PTPRM: variants seen among roughly 807,000 people sequenced by gnomAD.
PTPRM encodes protein tyrosine phosphatase receptor type M.
In PTPRM, 47 loss-of-function variants were observed where a neutral mutation model predicts 186.7. The ratio of observed to expected loss-of-function variants is 0.25; its 90% CI spans 0.20 to 0.32. The LOEUF (loss-of-function observed/expected upper bound fraction) is 0.32. Ranked by LOEUF, PTPRM falls within the 10% of genes least tolerant of loss-of-function variation. PTPRM has a pLI of 1.00. For synonymous variants in PTPRM, 668 were observed against 674.9 expected (o/e 0.99, Z 0.16); for missense variants, 1,494 against 1,865.0 (o/e 0.80, Z 3.66).
intron 1 of PTPRM, among the ~76,000 whole-genome samples, chr18:7,581,906 T>G (rs2036856092): frequency 1.3e-5 from 2 of 152,118 alleles, no homozygotes; most frequent in African/African-American, 2.4e-5. Context: ...GCCATCCTCC[T>G]GCCTCAGCCT....
At chr18:7,875,055 G>A (rs2048169890) in intron 2 of PTPRM, among the ~76,000 whole-genome samples, 1 of 152,052 alleles carries the variant, frequency 6.6e-6, no homozygotes, top group African/African-American at 2.4e-5. Flanking sequence ...AGTTAGCTGG[G>A]CTTGGTGGCA....
At chr18:8,385,041 G>A (rs1174111250) in intron 30 of PTPRM, among the ~76,000 whole-genome samples, 1 of 152,108 alleles carries the variant, frequency 6.6e-6, no homozygotes, top group Non-Finnish European at 1.5e-5. Flanking sequence ...GGGGTCAGTG[G>A]ATGGAAAATT....
intron 7 of PTPRM, among the ~76,000 whole-genome samples, chr18:8,042,887 A>G (rs2086781122): frequency 6.6e-6 from 1 of 152,028 alleles, no homozygotes; most frequent in Non-Finnish European, 1.5e-5. Flanking sequence ...TCCAGGCCTC[A>G]TGTACTCATC....
intron 2 of PTPRM, chr18:7,814,063 C>G (rs1598849560): frequency 6.6e-6 from 1 of 152,320 alleles, no homozygotes; most frequent in South Asian, 2.1e-4. Context: ...TCATTTTCTT[C>G]AAATATTTAA....
chr18:8,381,878 G>A (rs1220461645), intron 29 of PTPRM, among the ~76,000 whole-genome samples: 1 of 152,186 alleles, frequency 6.6e-6, no homozygotes, highest in Non-Finnish European at 1.5e-5. Flanking sequence ...CCTGAAATGT[G>A]GAGATATTTT....
Position 8,378,255 on chromosome 18 carries a change from C to A in PTPRM, c.3463-10C>A. The A allele has an allele frequency of 6.2e-7, 1 of 1,605,796 alleles. No individual in the cohort carries two copies. The highest frequency in any genetic ancestry group is 8.5e-7 in the Non-Finnish European group (1 of 1,173,388). ...CTAAAGTTAGTAACTCGTTCCATCT[C>A]CTTCTCCAGGAGCAGTATGTGTTTA... is the stretch of plus-strand genomic sequence containing the variant. On this transcript the variant is annotated splice_polypyrimidine_tract_variant and intron_variant, in intron 26 of 32. Coordinates refer to ENST00000580170, the MANE Select transcript of PTPRM (RefSeq NM_001105244.2).
At chr18:7,793,385 A>T (rs937994298) in intron 2 of PTPRM, among the ~76,000 whole-genome samples, 15 of 152,206 alleles carry the variant, frequency 9.9e-5, no homozygotes, top group African/African-American at 3.6e-4. Flanking sequence ...GCTTAGGACA[A>T]TGTCTGATGC....
chr18:7,569,334 A>G (rs371712510), intron 1 of PTPRM, among the ~76,000 whole-genome samples: 2 of 152,178 alleles, frequency 1.3e-5, no homozygotes, highest in African/African-American at 2.4e-5. Context: ...CAAAGCATCA[A>G]CTTCAATACA....
chr18:8,126,018 TATA>T lies in PTPRM; in HGVS notation c.2167+11192_2167+11194del, dbSNP rs1283494085. 7.5e-3 allele frequency among the ~76,000 whole-genome samples: 233 copies of T among 31,034 alleles called. 19 individuals are homozygous for T. Among genetic ancestry groups the T allele is most frequent in the South Asian group, 0.041 (34 of 834 alleles). The allele number at this position is 31,034 out of a possible 152,430, so 20.4% of individuals were successfully genotyped here. A position where few individuals can be genotyped will look rare whatever the true frequency, so the allele number is the denominator to read the frequency against. ...ATATATATATATATATATATATATA[TATA>T]TATATATTTTAAATCAGTAGACCTT... On this transcript the variant is annotated intron_variant, in intron 13 of 32. Transcript: ENST00000580170.
intron 23 of PTPRM, chr18:8,360,859 A>C (rs888356598): frequency 6.6e-6 from 1 of 152,266 alleles, no homozygotes. Flanking sequence ...CTAGAGTAAC[A>C]TAGCACATTT....
chr18:7,790,733 T>C (rs1033133434), intron 2 of PTPRM, among the ~76,000 whole-genome samples: 3 of 152,356 alleles, frequency 2.0e-5, no homozygotes, highest in Admixed American at 1.3e-4. Context: ...CCTGCCTTTA[T>C]TGCTATTTCT....
chr18:7,680,562 G>T (rs73939335), intron 1 of PTPRM, among the ~76,000 whole-genome samples: 6 of 152,252 alleles, frequency 3.9e-5, no homozygotes, highest in South Asian at 4.2e-4. Flanking sequence ...TAGGAAAACC[G>T]TTTCACATGC....
chr18:7,912,604 C>T (rs557073397), intron 4 of PTPRM, among the ~76,000 whole-genome samples: 34 of 152,052 alleles, frequency 2.2e-4, no homozygotes, highest in East Asian at 5.8e-4. Context: ...CTCCGCCTAC[C>T]GGGTTCATGC....
At position 8,145,250 on chromosome 18, in the gene PTPRM, A is replaced by G. The variant is rs138251889; in HGVS notation, c.2300+1471A>G. On this transcript the variant is annotated intron_variant, in intron 14 of 32. Transcript: ENST00000580170. ...GTTAGTGGAGATATTTCTGTTCACC[A>G]AAATGTGGAACATAGGAACTACAAA... Among the ~76,000 whole-genome samples, 1,023 of 152,340 alleles carry G rather than the reference A, an allele frequency of 6.7e-3. 8 individuals are homozygous for G. The highest frequency in any genetic ancestry group is 0.023 in the African/African-American group (973 of 41,564).
At chr18:8,014,626 G>T (rs35534506) in intron 7 of PTPRM, among the ~76,000 whole-genome samples, 51,796 of 152,034 alleles carry the variant, frequency 0.34, 9,736 homozygotes, top group Non-Finnish European at 0.43. Flanking sequence ...GTACAAAATA[G>T]ATCTAAATAC....
At chr18:7,587,688 T>C (rs906117378) in intron 1 of PTPRM, among the ~76,000 whole-genome samples, 1 of 152,126 alleles carries the variant, frequency 6.6e-6, no homozygotes, top group Admixed American at 6.6e-5. Context: ...AAAAATAATA[T>C]TAGTTTCAAT....
chr18:7,797,794 A>G (rs995617379), intron 2 of PTPRM, among the ~76,000 whole-genome samples: 1 of 152,152 alleles, frequency 6.6e-6, no homozygotes, highest in African/African-American at 2.4e-5. Context: ...TGTTTCAGGC[A>G]ATCTAGTGTG....
At chr18:7,993,429 G>T (rs1568148739) in intron 7 of PTPRM, among the ~76,000 whole-genome samples, 1 of 152,050 alleles carries the variant, frequency 6.6e-6, no homozygotes, top group Non-Finnish European at 1.5e-5. Context: ...GCACATTATA[G>T]TTAAACTGTC....
intron 7 of PTPRM, among the ~76,000 whole-genome samples, chr18:8,005,241 TAAATC>T (rs2084109334): frequency 6.6e-6 from 1 of 152,126 alleles, no homozygotes; most frequent in Non-Finnish European, 1.5e-5. Context: ...GTGTTACAAA[TAAATC>T]AAAAAAATTC....
Sources: allele counts gnomAD v4.1 joint callset (sites outside exome capture counted in the v4.1 genomes callset), GRCh38; gene constraint gnomAD v4.1.1; transcripts MANE v1.5; gene names NCBI Gene and HGNC (gene_info 2026-07-23, HGNC 2026-07-21).